Variants in BICRAL observed in about 807,000 individuals in gnomAD.
BICRAL encodes BRD4-interacting chromatin-remodeling complex-associated protein-like.
A neutral mutation model predicts 91.8 loss-of-function variants in BICRAL; 8 were observed. That is an observed-to-expected ratio of 0.09 (90% CI 0.05 to 0.16). The LOEUF (loss-of-function observed/expected upper bound fraction) is 0.16, where lower values mean the gene tolerates loss of function less well. Among genes scored for constraint, BICRAL ranks in the 10% least tolerant of loss-of-function variants. The pLI, the probability that BICRAL is intolerant of heterozygous loss-of-function variation, is 1.00. For missense variants in BICRAL, 1,038 were observed against 1,310.9 expected (o/e 0.79, Z 3.21); for synonymous variants, 445 against 491.1 (o/e 0.91, Z 1.24).
At chr6:42,842,636 C>T (rs1764836432) in intron 6 of BICRAL, among the ~76,000 whole-genome samples, 1 of 152,118 alleles carries the variant, frequency 6.6e-6, no homozygotes, top group South Asian at 2.1e-4. Flanking sequence ...ACCCAAAGCC[C>T]CTAGAAAAAA....
intron 10 of BICRAL, among the ~76,000 whole-genome samples, 165 bp from the exon 11 acceptor site, chr6:42,860,094 TAGA>T (rs1421897356): frequency 1.3e-5 from 2 of 152,152 alleles, no homozygotes; most frequent in African/African-American, 2.4e-5. Flanking sequence ...GAATGCAGTG[TAGA>T]AGGATGATGC....
intron 6 of BICRAL, among the ~76,000 whole-genome samples, chr6:42,838,922 C>T (rs1301792893): frequency 2.0e-5 from 3 of 150,980 alleles, no homozygotes; most frequent in Non-Finnish European, 4.4e-5. Flanking sequence ...GATTGCGCCA[C>T]TGCACTCCAG....
chr6:42,760,491 G>A (rs1762528158), intron 1 of BICRAL, among the ~76,000 whole-genome samples: 1 of 152,092 alleles, frequency 6.6e-6, no homozygotes, highest in South Asian at 2.1e-4. Flanking sequence ...TGCCTTAGCT[G>A]TTGACTCTAA....
At chr6:42,759,781 C>T (rs1024263333) in intron 1 of BICRAL, among the ~76,000 whole-genome samples, 2 of 152,290 alleles carry the variant, frequency 1.3e-5, no homozygotes, top group Admixed American at 6.5e-5. Flanking sequence ...ATCTGGGTTT[C>T]GCCCTCTGTT....
chr6:42,816,323 G>A (rs1305752194), intron 2 of BICRAL, among the ~76,000 whole-genome samples: 3 of 151,926 alleles, frequency 2.0e-5, no homozygotes, highest in Non-Finnish European at 2.9e-5. Flanking sequence ...AGGCCAGGCT[G>A]GGCAACATAA....
chr6:42,771,340 A>G (rs1238846092), intron 1 of BICRAL, among the ~76,000 whole-genome samples: 9 of 152,114 alleles, frequency 5.9e-5, no homozygotes, highest in Admixed American at 5.9e-4. Flanking sequence ...CGGCTTCATT[A>G]CGTGATGCTT....
intron 6 of BICRAL, among the ~76,000 whole-genome samples, chr6:42,844,757 A>G (rs1233408570): frequency 6.6e-6 from 1 of 152,092 alleles, no homozygotes; most frequent in Non-Finnish European, 1.5e-5. Flanking sequence ...AAATGAAAGT[A>G]ACTGAAGAGC....
At chr6:42,848,001 C>T (rs1358425786) in intron 6 of BICRAL, among the ~76,000 whole-genome samples, 2 of 151,908 alleles carry the variant, frequency 1.3e-5, no homozygotes. Flanking sequence ...TGGTGGCGGG[C>T]GCCTGTAGTC....
At chr6:42,840,755 C>T (rs998881754) in intron 6 of BICRAL, among the ~76,000 whole-genome samples, 3 of 151,836 alleles carry the variant, frequency 2.0e-5, no homozygotes, top group African/African-American at 7.3e-5. Context: ...CTTTGGATCA[C>T]TAAAGGATTT....
upstream of BICRAL, among the ~76,000 whole-genome samples, chr6:42,777,858 G>A (rs1762827135): frequency 6.6e-6 from 1 of 151,820 alleles, no homozygotes; most frequent in Non-Finnish European, 1.5e-5. Flanking sequence ...CCATTTTATT[G>A]TACATAATTA....
At chr6:42,794,411 CTGTGTGTGTGTGTGTGTGTGTGTGTG>C (rs67384767) in intron 1 of BICRAL, among the ~76,000 whole-genome samples, 1 of 146,418 alleles carries the variant, frequency 6.8e-6, no homozygotes, top group Non-Finnish European at 1.5e-5. Context: ...TTCACTTACT[CTGTGTGTGTGTGTGTGTGTGTGTGTG>C]TGTGTGTGTG....
intron 1 of BICRAL, among the ~76,000 whole-genome samples, chr6:42,757,954 C>T (rs536750215): frequency 6.6e-6 from 1 of 152,326 alleles, no homozygotes; most frequent in South Asian, 2.1e-4. Flanking sequence ...GTTCAGGCTT[C>T]TGACACTGCC....
At chr6:42,838,830 G>A (rs143286372) in intron 6 of BICRAL, among the ~76,000 whole-genome samples, 3,607 of 152,150 alleles carry the variant, frequency 0.024, 68 homozygotes, top group Non-Finnish European at 0.035. Flanking sequence ...GTGTGGTGGT[G>A]CATGCCTGTA....
intron 8 of BICRAL, among the ~76,000 whole-genome samples, chr6:42,855,402 C>T (rs1038854540): frequency 3.9e-5 from 6 of 152,076 alleles, no homozygotes; most frequent in Non-Finnish European, 7.4e-5. Context: ...AATTAACAGG[C>T]GTGGTGGTGC....
At chr6:42,817,414 A>C (rs983261614) in intron 2 of BICRAL, among the ~76,000 whole-genome samples, 7 of 151,984 alleles carry the variant, frequency 4.6e-5, no homozygotes, top group Middle Eastern at 3.2e-3. Flanking sequence ...ATTAAGATAT[A>C]ATTTACATAC....
At chr6:42,756,463 G>A (rs1264370314) in intron 1 of BICRAL, among the ~76,000 whole-genome samples, 1 of 152,040 alleles carries the variant, frequency 6.6e-6, no homozygotes, top group Non-Finnish European at 1.5e-5. Context: ...AGGGTGCCAA[G>A]TCCTGTTCAT....
intron 6 of BICRAL, among the ~76,000 whole-genome samples, chr6:42,845,801 C>T (rs1764989314): frequency 6.6e-6 from 1 of 151,292 alleles, no homozygotes; most frequent in African/African-American, 2.4e-5. Context: ...CGGTGGCTCA[C>T]GCTTATAATC....
chr6:42,814,519 A>ATATATATATATATT (rs1237976324), intron 2 of BICRAL, among the ~76,000 whole-genome samples: 3 of 80,212 alleles, frequency 3.7e-5, no homozygotes, highest in Admixed American at 1.6e-4. Flanking sequence ...ATATATATAT[A>ATATATATATATATT]TTTTTTTTTT....
rs552598941 is a variant in BICRAL at position 42,816,315 on chromosome 6, G to A, written c.-5-5703G>A. On this transcript the variant is annotated intron_variant, in intron 2 of 12. Transcript: ENST00000314073. ...GATCGCTTGGGCCCAAGAGTTCAAG[G>A]CCAGGCTGGGCAACATAATGAAACC... Among the ~76,000 whole-genome samples, 9 of 151,654 alleles carry A rather than the reference G, an allele frequency of 5.9e-5. No individual in the cohort carries two copies. The South Asian group carries it at 1.9e-3, about 32-fold the overall frequency.
Sources: allele counts gnomAD v4.1 joint callset (sites outside exome capture counted in the v4.1 genomes callset), GRCh38; gene constraint gnomAD v4.1.1; transcripts MANE v1.5; gene names NCBI Gene and HGNC (gene_info 2026-07-23, HGNC 2026-07-21).